PPOX: variants seen among roughly 807,000 people sequenced by gnomAD.
PPOX encodes the protein protoporphyrinogen oxidase.
Under a neutral mutation model 54.1 loss-of-function variants are expected in PPOX, and 23 were observed. That is an observed-to-expected ratio of 0.43 (90% CI 0.31 to 0.60). The LOEUF is 0.60. Among genes scored for constraint, PPOX ranks in the 20% least tolerant of loss-of-function variants. The pLI, the probability that PPOX is intolerant of heterozygous loss-of-function variation, is 0.13. For missense variants in PPOX, 512 were observed against 601.1 expected (o/e 0.85, Z 1.55); for synonymous variants, 224 against 236.1 (o/e 0.95, Z 0.47).
chr1:161,175,704 CTCT>C (rs1163690749), downstream of PPOX: 2 of 1,512,940 alleles, frequency 1.3e-6, no homozygotes, highest in East Asian at 4.5e-5. Flanking sequence ...CCTACCTATC[CTCT>C]TCTAAGTTCC....
At chr1:161,173,616 G>A (rs768145063), downstream of PPOX, 1 of 1,614,064 alleles carries the variant, frequency 6.2e-7, no homozygotes, top group Non-Finnish European at 8.5e-7. Context: ...TGGTAGCAAT[G>A]TCGTCATCCT....
downstream of PPOX, chr1:161,171,898 T>C (rs1442911069): frequency 1.5e-5 from 25 of 1,614,030 alleles, no homozygotes; most frequent in Non-Finnish European, 2.1e-5. Context: ...CAGCATCTCT[T>C]GACGGAAGGC....
intron 7 of PPOX, chr1:161,169,393 T>C (rs994181927): frequency 1.8e-5 from 13 of 707,980 alleles, no homozygotes; most frequent in Non-Finnish European, 2.8e-5. Flanking sequence ...GTAGTACTTA[T>C]AAGTGGCTTA....
rs914035483 is a variant in PPOX, at chr1:161,167,810, G to T, written c.339-185G>T. The T allele has an allele frequency of 2.8e-5, 26 of 944,572 alleles. No individual in the cohort carries two copies. In the Admixed American group the frequency reaches 4.0e-4, roughly 15 times the overall value. 58.5% of individuals were successfully genotyped at this position (944,572 alleles called of 1,614,324 possible). On this transcript the variant is annotated intron_variant, in intron 4 of 12. Coordinates refer to ENST00000367999, the MANE Select transcript of PPOX (RefSeq NM_001122764.3). ...GAACTCCTGACCTTGTGATCCGCCC[G>T]CCTCGGCCTGCCAAAGTGCTGGGAT...
rs542392054 is a variant in PPOX, at chr1:161,167,842, C to T, written c.339-153C>T. The T allele has an allele frequency of 1.0e-4, 125 of 1,247,606 alleles. No individual in the cohort carries two copies. The Middle Eastern group carries it at 1.7e-3, about 17-fold the overall frequency. The allele number at this position is 1,247,606 out of a possible 1,614,324, so 77.3% of individuals were successfully genotyped here. Reference sequence around the variant, plus strand: ...CCTGCCAAAGTGCTGGGATTACAGGCGTGAGCCACCACGCCCGACCTGCCT... The same window carrying T: ...CCTGCCAAAGTGCTGGGATTACAGGTGTGAGCCACCACGCCCGACCTGCCT... On this transcript the variant is annotated intron_variant, in intron 4 of 12. Coordinates refer to ENST00000367999, the MANE Select transcript of PPOX (RefSeq NM_001122764.3).
Position 161,176,356 on chromosome 1 carries a change from A to G in PPOX, c.373-493A>G. 5.9e-6 allele frequency: 3 copies of G among 510,794 alleles called. No homozygotes were observed. The South Asian group carries it at 7.2e-5, about 12-fold the overall frequency. 31.6% of individuals were successfully genotyped at this position (510,794 alleles called of 1,614,324 possible). Reference sequence around the variant, plus strand: ...CCTCACCCCCAAAAATGTTTACATCATTCAAATCTCATGTTCATTTCAGAA... The same window carrying G: ...CCTCACCCCCAAAAATGTTTACATCGTTCAAATCTCATGTTCATTTCAGAA... On this transcript the variant is annotated intron_variant, in intron 4 of 4. Coordinates refer to the PPOX transcript ENST00000497522.
At chr1:161,177,039 TG>T in exon 5 of PPOX, 1 of 1,528,158 alleles carries the variant, frequency 6.5e-7, no homozygotes, top group Non-Finnish European at 8.7e-7. Flanking sequence ...GAGAGTAGGG[TG>T]GGGGTGGCGT....
rs555392776 is a variant in PPOX, at chr1:161,170,233, G to A, written c.988-176G>A. The stretch of plus-strand genomic sequence containing the variant: ...TCAGCTACTCGGGAGGCTAAGGCAG[G>A]AGAATCGCTTGAACCCAGGAGGTGG... On this transcript the variant is annotated intron_variant, in intron 9 of 12. Transcript: ENST00000367999. 3 of 834,196 alleles carry A rather than the reference G, an allele frequency of 3.6e-6. 1 individual carries two copies. Among genetic ancestry groups the A allele is most frequent in the South Asian group, 3.0e-5 (2 of 66,804 alleles). The allele number at this position is 834,196 out of a possible 1,614,324, so 51.7% of individuals were successfully genotyped here. A position where few individuals can be genotyped will look rare whatever the true frequency, so the allele number is the denominator to read the frequency against.
At chr1:161,173,593 AG>A (rs772929705), downstream of PPOX, 37 of 1,613,490 alleles carry the variant, frequency 2.3e-5, no homozygotes, top group Admixed American at 3.7e-4. Context: ...AGGAAGTGGC[AG>A]GAAGTCTGAC....
In PPOX at chr1:161,169,955, G is replaced by C. The variant is rs1469636258; in HGVS notation, c.918G>C (p.Leu306=). The part of the protein sequence containing the change: ...PAEAAPLARA[L]SAITAVSVAV... ...AGGCTGCCCCTCTGGCTCGTGCCCTGAGTGCCATCACTGCAGTGTCTGTAG... is the reference window on the plus strand; with the variant it reads ...AGGCTGCCCCTCTGGCTCGTGCCCTCAGTGCCATCACTGCAGTGTCTGTAG... Residue 306 remains leucine (L), a synonymous_variant, in exon 9 of 13, where the codon CTG becomes CTC. Transcript: ENST00000367999. 6.2e-7 allele frequency: 1 copy of C among 1,614,174 alleles called. No homozygotes were observed. The highest frequency in any genetic ancestry group is 8.5e-7 in the Non-Finnish European group (1 of 1,180,036).
chr1:161,165,802 CCTCT>C (rs1658712592), upstream of PPOX: 11 of 188,698 alleles, frequency 5.8e-5, no homozygotes, highest in South Asian at 1.1e-3. Flanking sequence ...ACCCAAGTTC[CCTCT>C]CTAACAGGTG....
downstream of PPOX, among the ~76,000 whole-genome samples, chr1:161,175,490 G>T (rs1268696436): frequency 1.3e-5 from 2 of 152,116 alleles, no homozygotes. Flanking sequence ...GGAAGCTATA[G>T]TTGAAGGCTG....
chr1:161,173,571 G>A, downstream of PPOX: 1 of 1,612,778 alleles, frequency 6.2e-7, no homozygotes, highest in Non-Finnish European at 8.5e-7. Context: ...ATCCAGACTG[G>A]GGTCAGGAGG....
chr1:161,173,304 G>C (rs1177639806), downstream of PPOX, among the ~76,000 whole-genome samples: 4 of 152,196 alleles, frequency 2.6e-5, no homozygotes, highest in Admixed American at 6.5e-5. Flanking sequence ...TGGAACCCCA[G>C]CAGAAGGCAA....
downstream of PPOX, chr1:161,172,529 C>T: frequency 1.7e-6 from 1 of 577,584 alleles, no homozygotes; most frequent in South Asian, 2.3e-5. Flanking sequence ...TCCTCAGGGC[C>T]CAGTGCCAGT....
intron 4 of PPOX, 68 bp downstream of exon 4, chr1:161,167,554 T>TTC: frequency 7.4e-7 from 1 of 1,351,026 alleles, no homozygotes. Context: ...TCTTTCTTCT[T>TTC]TTCTTTTTTT....
At chr1:161,168,615 A>G in intron 6 of PPOX, 39 bp downstream of exon 6, 1 of 1,606,298 alleles carries the variant, frequency 6.2e-7, no homozygotes, top group Non-Finnish European at 8.5e-7. Context: ...AATATTAAGT[A>G]CTGCCAAAGT....
downstream of PPOX, chr1:161,175,223 G>A (rs768962319): frequency 2.5e-6 from 4 of 1,612,274 alleles, no homozygotes; most frequent in African/African-American, 5.3e-5. Flanking sequence ...ACCGACACAG[G>A]ACCCACTGTT....
At chr1:161,175,259 C>G (rs769896149), downstream of PPOX, 1 of 1,581,090 alleles carries the variant, frequency 6.3e-7, no homozygotes, top group Non-Finnish European at 8.7e-7. Context: ...GTAGAGGGAT[C>G]AGAGGGGCAA....
Sources: allele counts gnomAD v4.1 joint callset (sites outside exome capture counted in the v4.1 genomes callset), GRCh38; gene constraint gnomAD v4.1.1; transcripts MANE v1.5; gene names NCBI Gene and HGNC (gene_info 2026-07-23, HGNC 2026-07-21).